Variants in GALNT13 observed in about 807,000 individuals in gnomAD.
GALNT13 encodes the protein UDP-GalNAc:polypeptide N-acetylgalactosaminyltransferase 13.
Under a neutral mutation model 64.2 loss-of-function variants are expected in GALNT13, and 28 were observed. The observed-to-expected ratio is 0.44, with a 90% CI of 0.32 to 0.60. The LOEUF is 0.60. Among genes scored for constraint, GALNT13 ranks in the 20% least tolerant of loss-of-function variants. GALNT13 has a pLI of 0.05. For synonymous variants in GALNT13, 214 were observed against 224.6 expected (o/e 0.95, Z 0.42); for missense variants, 577 against 669.8 (o/e 0.86, Z 1.53).
intron 3 of GALNT13, among the ~76,000 whole-genome samples, chr2:154,128,740 GA>G (rs1322739665): frequency 6.6e-6 from 1 of 151,854 alleles, no homozygotes; most frequent in Non-Finnish European, 1.5e-5. Context: ...TTTCCTTCAT[GA>G]AAAAAATTAT....
the GALNT13 span, among the ~76,000 whole-genome samples, chr2:153,561,446 T>A: frequency 6.6e-6 from 1 of 152,104 alleles, no homozygotes; most frequent in East Asian, 1.9e-4. Flanking sequence ...ACACATAGCC[T>A]GAAGGTAATT....
At chr2:153,277,446 A>G in the GALNT13 span, among the ~76,000 whole-genome samples, 1 of 152,206 alleles carries the variant, frequency 6.6e-6, no homozygotes, top group Non-Finnish European at 1.5e-5. Flanking sequence ...TTATTTACCC[A>G]GTGCACCATT....
At chr2:153,868,831 T>C (rs141989987), upstream of GALNT13, among the ~76,000 whole-genome samples, 37 of 152,344 alleles carry the variant, frequency 2.4e-4, no homozygotes, top group African/African-American at 8.9e-4. Context: ...AAGCAAATAC[T>C]TGCAATAGCT....
the GALNT13 span, among the ~76,000 whole-genome samples, chr2:153,721,441 G>A: frequency 0.011 from 1,609 of 146,438 alleles, 34 homozygotes; most frequent in African/African-American, 0.04. Flanking sequence ...ATAATGACAG[G>A]ATCAAATTCA....
At chr2:153,576,960 TC>T in the GALNT13 span, among the ~76,000 whole-genome samples, 1 of 152,334 alleles carries the variant, frequency 6.6e-6, no homozygotes. Flanking sequence ...GCAAAGATGT[TC>T]CCTGTTTCTC....
chr2:154,288,695 T>C (rs1230488836), intron 8 of GALNT13, among the ~76,000 whole-genome samples: 1 of 152,190 alleles, frequency 6.6e-6, no homozygotes, highest in Non-Finnish European at 1.5e-5. Flanking sequence ...TCCCAAATGA[T>C]TCCGTTGACT....
chr2:153,265,759 C>T, the GALNT13 span, among the ~76,000 whole-genome samples: 6 of 152,136 alleles, frequency 3.9e-5, no homozygotes, highest in African/African-American at 1.4e-4. Context: ...TTTGCTCTAC[C>T]TCCTCTTCCA....
intron 2 of GALNT13, among the ~76,000 whole-genome samples, chr2:153,920,367 A>G (rs1306066811): frequency 6.6e-6 from 1 of 152,114 alleles, no homozygotes; most frequent in East Asian, 1.9e-4. Context: ...AAGCTAACAA[A>G]AACAAGCAAT....
chr2:154,188,377 A>G (rs998184354), intron 4 of GALNT13, among the ~76,000 whole-genome samples: 9 of 152,200 alleles, frequency 5.9e-5, no homozygotes, highest in African/African-American at 2.2e-4. Context: ...TTTGCACTAC[A>G]GAGATTCATT....
chr2:153,094,229 G>T, the GALNT13 span, among the ~76,000 whole-genome samples: 1 of 151,756 alleles, frequency 6.6e-6, no homozygotes, highest in Non-Finnish European at 1.5e-5. Flanking sequence ...TGCATTGTTG[G>T]ATTATTTATT....
chr2:153,965,844 A>G (rs2105109090), intron 3 of GALNT13, among the ~76,000 whole-genome samples: 1 of 151,528 alleles, frequency 6.6e-6, no homozygotes, highest in South Asian at 2.1e-4. Flanking sequence ...TTTTCATTCC[A>G]TCCCCCTAAC....
At chr2:154,318,786 T>G (rs72999304) in intron 9 of GALNT13, among the ~76,000 whole-genome samples, 6,021 of 151,950 alleles carry the variant, frequency 0.04, 396 homozygotes, top group African/African-American at 0.14. Context: ...CGGCCAAGAT[T>G]AGTTGTTTCA....
downstream of GALNT13, among the ~76,000 whole-genome samples, chr2:154,455,718 G>A (rs1702024018): frequency 6.6e-6 from 1 of 152,086 alleles, no homozygotes; most frequent in South Asian, 2.1e-4. Flanking sequence ...TAAATAATTT[G>A]TGTATATGTG....
the GALNT13 span, among the ~76,000 whole-genome samples, chr2:153,637,856 T>C: frequency 1.3e-5 from 2 of 152,054 alleles, no homozygotes; most frequent in Admixed American, 1.3e-4. Flanking sequence ...ATTCCGTCAT[T>C]CAATACGAAT....
chr2:153,281,213 ATT>A, the GALNT13 span, among the ~76,000 whole-genome samples: 1 of 149,144 alleles, frequency 6.7e-6, no homozygotes, highest in African/African-American at 2.5e-5. Flanking sequence ...CTTTCTTTTT[ATT>A]TTCTGTTTGC....
the GALNT13 span, chr2:153,420,878 G>T: frequency 4.9e-5 from 12 of 243,398 alleles, no homozygotes. Context: ...CTATGGTGTT[G>T]CTCAGCATGC....
In GALNT13 at chr2:154,298,750, A is replaced by ATATAAATTG. The variant is rs1574045398; in HGVS notation, c.976-2655_976-2654insAATTGTATA. Among the ~76,000 whole-genome samples the ATATAAATTG allele has an allele frequency of 2.6e-5, 2 of 78,094 alleles. 1 individual carries two copies. The highest frequency in any genetic ancestry group is 8.5e-5 in the African/African-American group (2 of 23,524). The allele number at this position is 78,094 out of a possible 152,430, so 51.2% of individuals were successfully genotyped here. ...TTATTTATATATAGTATATATAAAT[A>ATATAAATTG]TATATACTATATATAAATTATATAT... On this transcript the variant is annotated intron_variant, in intron 8 of 12. Transcript: ENST00000392825.
intron 11 of GALNT13, among the ~76,000 whole-genome samples, chr2:154,411,689 A>C (rs1382656653): frequency 1.3e-5 from 2 of 151,794 alleles, no homozygotes; most frequent in Non-Finnish European, 3.0e-5. Flanking sequence ...GATATCTGGA[A>C]AGAAGACTGA....
In GALNT13 at chr2:154,189,472, C is replaced by CAAA. The variant is rs35557058; in HGVS notation, c.311+48987_311+48989dup. Among the ~76,000 whole-genome samples the CAAA allele has an allele frequency of 3.4e-4, 28 of 81,354 alleles. 1 individual carries two copies. The highest frequency in any genetic ancestry group is 6.7e-3 in the Middle Eastern group (1 of 150). 53.4% of individuals were successfully genotyped at this position (81,354 alleles called of 152,430 possible). ...ACTTTCTCTCTTCTCACGTGCACAC[C>CAAA]AAAAAAAAAAAAAAAAAAAAAAGGC... On this transcript the variant is annotated intron_variant, in intron 4 of 12. Transcript: ENST00000392825.
Sources: gnomAD v4.1 joint callset for allele counts (sites outside exome capture counted in the v4.1 genomes callset) on GRCh38, gnomAD v4.1.1 for gene constraint, MANE v1.5 for transcripts, NCBI Gene and HGNC (gene_info 2026-07-23, HGNC 2026-07-21) for gene names.